KLHDC1: variants seen among roughly 807,000 people sequenced by gnomAD.
KLHDC1 encodes the protein kelch domain-containing protein 1.
A neutral mutation model predicts 68.3 loss-of-function variants in KLHDC1; 53 were observed. That is an observed-to-expected ratio of 0.78 (90% CI 0.62 to 0.98). The LOEUF (loss-of-function observed/expected upper bound fraction) is 0.98. Ranked by LOEUF, KLHDC1 falls within the 50% of genes least tolerant of loss-of-function variation. The probability of loss-of-function intolerance (pLI) is 0.00; values close to 1 mark genes in which losing one functional copy is unlikely to be tolerated. For synonymous variants in KLHDC1, 148 were observed against 159.0 expected (o/e 0.93, Z 0.52); for missense variants, 470 against 492.3 (o/e 0.95, Z 0.43).
chr14:49,696,597 C>A (rs1887749695), intron 1 of KLHDC1, among the ~76,000 whole-genome samples: 2 of 152,158 alleles, frequency 1.3e-5, no homozygotes, highest in Non-Finnish European at 2.9e-5. Flanking sequence ...AGAGTTAAGA[C>A]CCTCTTCTGA....
intron 4 of KLHDC1, among the ~76,000 whole-genome samples, chr14:49,713,751 G>A (rs1040398281): frequency 3.6e-5 from 5 of 139,972 alleles, no homozygotes; most frequent in African/African-American, 1.3e-4. Flanking sequence ...ACCAGGTGTG[G>A]TGGCGTACGC....
chr14:49,714,705 T>G (rs981263952), intron 4 of KLHDC1, among the ~76,000 whole-genome samples: 2 of 151,780 alleles, frequency 1.3e-5, no homozygotes, highest in African/African-American at 4.8e-5. Context: ...ATATGTATAG[T>G]ATAGTATTTG....
At chr14:49,724,083 G>GTT (rs1888606982) in intron 5 of KLHDC1, 131 bp downstream of exon 5, 1 of 586,886 alleles carries the variant, frequency 1.7e-6, no homozygotes, top group Admixed American at 3.6e-5. Context: ...AAAAAAATGT[G>GTT]TTTTCTCTCT....
intron 11 of KLHDC1, among the ~76,000 whole-genome samples, chr14:49,740,874 C>A (rs1256687078): frequency 1.3e-5 from 2 of 152,066 alleles, no homozygotes; most frequent in Non-Finnish European, 2.9e-5. Context: ...GCAGGCAAAT[C>A]ACTTGAGGCC....
chr14:49,702,138 A>G (rs1290525972), intron 1 of KLHDC1, among the ~76,000 whole-genome samples: 1 of 151,186 alleles, frequency 6.6e-6, no homozygotes, highest in Non-Finnish European at 1.5e-5. Flanking sequence ...ATTGCATTCC[A>G]GCCTGGGCAA....
intron 4 of KLHDC1, among the ~76,000 whole-genome samples, chr14:49,714,057 G>A (rs1888305242): frequency 6.7e-6 from 1 of 149,340 alleles, no homozygotes; most frequent in African/African-American, 2.5e-5. Flanking sequence ...ATGTTGGCCA[G>A]GCTGGTCTTG....
chr14:49,711,882 G>A (rs1888210470), intron 4 of KLHDC1, among the ~76,000 whole-genome samples: 2 of 141,938 alleles, frequency 1.4e-5, no homozygotes, highest in African/African-American at 2.6e-5. Flanking sequence ...CGTTATAATC[G>A]ATTTATATGT....
chr14:49,716,131 G>C (rs1192552619), intron 4 of KLHDC1, among the ~76,000 whole-genome samples: 1 of 152,108 alleles, frequency 6.6e-6, no homozygotes, highest in Non-Finnish European at 1.5e-5. Flanking sequence ...ACATAGGACT[G>C]AACTCTGTCT....
chr14:49,702,849 A>G (rs1360794567), intron 1 of KLHDC1, among the ~76,000 whole-genome samples: 1 of 152,200 alleles, frequency 6.6e-6, no homozygotes, highest in Non-Finnish European at 1.5e-5. Flanking sequence ...CACGACCTCT[A>G]GAAGATTCTT....
intron 10 of KLHDC1, 31 bp from the exon 11 acceptor site, chr14:49,740,067 G>T (rs1320857794): frequency 7.9e-7 from 1 of 1,272,816 alleles, no homozygotes; most frequent in Non-Finnish European, 1.1e-6. Flanking sequence ...CCATGACAGT[G>T]TTTCACTCTG....
intron 4 of KLHDC1, among the ~76,000 whole-genome samples, chr14:49,722,742 C>A (rs1888560819): frequency 1.3e-5 from 2 of 151,872 alleles, no homozygotes; most frequent in East Asian, 3.9e-4. Flanking sequence ...GCAAGTCTCA[C>A]ATGGCAACAG....
intron 3 of KLHDC1, 56 bp from the exon 4 acceptor site, chr14:49,710,207 A>T: frequency 1.1e-6 from 1 of 918,988 alleles, no homozygotes; most frequent in Admixed American, 1.8e-5. Context: ...ATTCCCTCTG[A>T]TATAGATTTA....
At chr14:49,731,280 A>G (rs550770483) in intron 8 of KLHDC1, among the ~76,000 whole-genome samples, 9 of 152,292 alleles carry the variant, frequency 5.9e-5, no homozygotes, top group South Asian at 4.1e-4. Context: ...CGCCGCCTCA[A>G]AAAATAAAAA....
chr14:49,723,087 C>CAAAA (rs144318637), intron 4 of KLHDC1, among the ~76,000 whole-genome samples: 1 of 54,756 alleles, frequency 1.8e-5, no homozygotes, highest in African/African-American at 7.6e-5. Flanking sequence ...GACTCTGTCT[C>CAAAA]AAAAAAAAAA....
At chr14:49,725,795 A>G (rs758970857) in intron 6 of KLHDC1, 26 bp downstream of exon 6, 1 of 1,161,052 alleles carries the variant, frequency 8.6e-7, no homozygotes, top group Non-Finnish European at 1.2e-6. Context: ...AGTCATCTTT[A>G]TATATTTGTA....
intron 1 of KLHDC1, among the ~76,000 whole-genome samples, chr14:49,694,927 C>A (rs1250290942): frequency 6.6e-6 from 1 of 152,152 alleles, no homozygotes; most frequent in Non-Finnish European, 1.5e-5. Flanking sequence ...ATTATCTGAG[C>A]CTTCAGCGAG....
chr14:49,709,857 A>C (rs780787870), intron 3 of KLHDC1, 31 bp downstream of exon 3: 1 of 1,106,952 alleles, frequency 9.0e-7, no homozygotes, highest in South Asian at 1.4e-5. Flanking sequence ...AGAGTGCAGC[A>C]AAATGTAATA....
At chr14:49,715,470 G>A (rs1248112881) in intron 4 of KLHDC1, among the ~76,000 whole-genome samples, 1 of 151,178 alleles carries the variant, frequency 6.6e-6, no homozygotes, top group African/African-American at 2.4e-5. Context: ...ATATAGGCCG[G>A]ATGTGGTGGC....
intron 1 of KLHDC1, among the ~76,000 whole-genome samples, chr14:49,696,270 C>T (rs970240999): frequency 6.6e-6 from 1 of 150,670 alleles, no homozygotes; most frequent in Non-Finnish European, 1.5e-5. Flanking sequence ...CTTCTGAGCT[C>T]AAGCAATTCT....
Sources: gnomAD v4.1 joint callset for allele counts (sites outside exome capture counted in the v4.1 genomes callset) on GRCh38, gnomAD v4.1.1 for gene constraint, MANE v1.5 for transcripts, NCBI Gene and HGNC (gene_info 2026-07-23, HGNC 2026-07-21) for gene names.